FBXO16: variants seen among roughly 807,000 people sequenced by gnomAD.
The protein encoded by FBXO16 is F-box only protein 16.
Under a neutral mutation model 41.0 loss-of-function variants are expected in FBXO16, and 31 were observed. That is an observed-to-expected ratio of 0.76 (90% CI 0.57 to 1.02). The LOEUF is 1.02. Among genes scored for constraint, FBXO16 ranks in the 50% least tolerant of loss-of-function variants. The pLI, the probability that FBXO16 is intolerant of heterozygous loss-of-function variation, is 0.00. For missense variants in FBXO16, 361 were observed against 346.2 expected (o/e 1.04, Z -0.34); for synonymous variants, 133 against 117.8 (o/e 1.13, Z -0.84).
At chr8:28,479,981 C>T (rs534331199) in intron 2 of FBXO16, among the ~76,000 whole-genome samples, 166 of 151,988 alleles carry the variant, frequency 1.1e-3, no homozygotes, top group African/African-American at 3.8e-3. Flanking sequence ...AGCGATCCAC[C>T]GGCCTCACCC....
intron 1 of FBXO16, among the ~76,000 whole-genome samples, chr8:28,485,889 C>A (rs745853474): frequency 2.4e-4 from 36 of 152,136 alleles, no homozygotes; most frequent in Non-Finnish European, 4.4e-4. Context: ...AGGCGGATCA[C>A]CTGAAGTCAG....
At chr8:28,478,105 C>A (rs975791445) in intron 2 of FBXO16, among the ~76,000 whole-genome samples, 1 of 151,978 alleles carries the variant, frequency 6.6e-6, no homozygotes, top group African/African-American at 2.4e-5. Flanking sequence ...TATATACACA[C>A]AAAGATTTTT....
At chr8:28,464,871 C>G (rs1803208348) in intron 3 of FBXO16, among the ~76,000 whole-genome samples, 1 of 152,134 alleles carries the variant, frequency 6.6e-6, no homozygotes, top group Non-Finnish European at 1.5e-5. Context: ...TCAGGCTGGT[C>G]TCGAACTTCT....
chr8:28,482,919 A>C (rs191916526), intron 2 of FBXO16, among the ~76,000 whole-genome samples: 3 of 152,246 alleles, frequency 2.0e-5, no homozygotes, highest in Non-Finnish European at 4.4e-5. Flanking sequence ...TAATGTGAAT[A>C]ATCAGTTGAA....
At chr8:28,470,193 TAA>T (rs879275561) in intron 3 of FBXO16, among the ~76,000 whole-genome samples, 1 of 144,312 alleles carries the variant, frequency 6.9e-6, no homozygotes. Context: ...GACTCCGTCT[TAA>T]AAAAAAAAAA....
At chr8:28,468,019 C>T (rs1803273033) in intron 3 of FBXO16, among the ~76,000 whole-genome samples, 1 of 152,114 alleles carries the variant, frequency 6.6e-6, no homozygotes, top group South Asian at 2.1e-4. Context: ...AGGGGAAAAT[C>T]CCTCTACAAT....
At chr8:28,446,884 C>CA (rs1230622904) in intron 7 of FBXO16, 1 of 209,876 alleles carries the variant, frequency 4.8e-6, no homozygotes, top group Non-Finnish European at 9.5e-6. Context: ...AACAAACAAA[C>CA]AAAAAAACTC....
intron 3 of FBXO16, among the ~76,000 whole-genome samples, chr8:28,466,741 G>C (rs12677425): frequency 0.034 from 5,106 of 152,200 alleles, 395 homozygotes; most frequent in East Asian, 0.29. Context: ...GGTGAGAGGC[G>C]AGAGAGGAAG....
chr8:28,453,872 T>G (rs1358502188), intron 5 of FBXO16, among the ~76,000 whole-genome samples: 1 of 151,984 alleles, frequency 6.6e-6, no homozygotes, highest in African/African-American at 2.4e-5. Flanking sequence ...GTTTAATAAA[T>G]ATTTATTCAG....
intron 2 of FBXO16, among the ~76,000 whole-genome samples, chr8:28,480,649 G>A (rs563175661): frequency 9.2e-5 from 14 of 152,118 alleles, no homozygotes; most frequent in Admixed American, 2.0e-4. Flanking sequence ...GACTACAGGG[G>A]TGCATCACCA....
intron 5 of FBXO16, 138 bp downstream of exon 5, chr8:28,456,628 A>C (rs1803042402): frequency 1.0e-6 from 1 of 1,000,804 alleles, no homozygotes; most frequent in Non-Finnish European, 1.4e-6. Flanking sequence ...GTCTCAGAAA[A>C]GGAGAATTTT....
intron 7 of FBXO16, among the ~76,000 whole-genome samples, chr8:28,429,991 TA>T (rs1802583265): frequency 6.6e-6 from 1 of 152,224 alleles, no homozygotes; most frequent in Admixed American, 6.5e-5. Context: ...ACGTATGCTC[TA>T]AAGCATTAGT....
At chr8:28,462,210 G>C (rs1207780480) in intron 4 of FBXO16, among the ~76,000 whole-genome samples, 1 of 151,520 alleles carries the variant, frequency 6.6e-6, no homozygotes, top group Non-Finnish European at 1.5e-5. Context: ...AAAGTGCTGG[G>C]ATTACAGGTG....
chr8:28,485,594 G>A (rs532732529), intron 1 of FBXO16, among the ~76,000 whole-genome samples: 4 of 152,266 alleles, frequency 2.6e-5, no homozygotes, highest in African/African-American at 9.6e-5. Context: ...TAAAGCCCAC[G>A]TTTTAAACCC....
At chr8:28,473,389 C>T (rs973883753) in intron 3 of FBXO16, among the ~76,000 whole-genome samples, 6 of 152,088 alleles carry the variant, frequency 3.9e-5, no homozygotes, top group Admixed American at 6.5e-5. Context: ...CTCAACCCCC[C>T]AGTGTGATGG....
intron 6 of FBXO16, among the ~76,000 whole-genome samples, chr8:28,448,649 G>A (rs1464767448): frequency 6.6e-6 from 1 of 152,158 alleles, no homozygotes; most frequent in Non-Finnish European, 1.5e-5. Context: ...ATATCTGAGA[G>A]ATAAAAACAC....
Position 28,441,219 on chromosome 8 carries a change from T to C in FBXO16, c.843+5952A>G, listed in dbSNP as rs555713563. Reference sequence around the variant, plus strand: ...CCTCCTCTTCCTCCTACCTCTTTCCTCCCTACTCCCTCTCCTCCTCCACCT... The same window carrying C: ...CCTCCTCTTCCTCCTACCTCTTTCCCCCCTACTCCCTCTCCTCCTCCACCT... On this transcript the variant is annotated intron_variant, in intron 7 of 8. Transcript: ENST00000380254. Among the ~76,000 whole-genome samples, 289 of 152,130 alleles carry C rather than the reference T, an allele frequency of 1.9e-3. 2 individuals are homozygous for C. The highest frequency in any genetic ancestry group is 3.4e-3 in the Middle Eastern group (1 of 294).
rs562728987 is a variant in FBXO16, at chr8:28,462,012, T to C, written c.342+1600A>G. On this transcript the variant is annotated intron_variant, in intron 4 of 8. Transcript: ENST00000380254. Reference sequence around the variant, plus strand: ...TGTTGTGTAGTGGCACAGTCATAGTTCACTGAAGCCTCAACCTTCTGGGTT... The same window carrying C: ...TGTTGTGTAGTGGCACAGTCATAGTCCACTGAAGCCTCAACCTTCTGGGTT... Among the ~76,000 whole-genome samples the C allele has an allele frequency of 5.3e-5, 8 of 152,202 alleles. 1 individual carries two copies. In the South Asian group the frequency reaches 1.7e-3, roughly 32 times the overall value.
chr8:28,441,460 G>A (rs1395759538), intron 7 of FBXO16, among the ~76,000 whole-genome samples: 1 of 152,182 alleles, frequency 6.6e-6, no homozygotes, highest in Non-Finnish European at 1.5e-5. Context: ...ATAGGGCTGG[G>A]CGCAGGGGCT....
Sources: gnomAD v4.1 joint callset for allele counts (sites outside exome capture counted in the v4.1 genomes callset) on GRCh38, gnomAD v4.1.1 for gene constraint, MANE v1.5 for transcripts, NCBI Gene and HGNC (gene_info 2026-07-23, HGNC 2026-07-21) for gene names.